The following LMNTD1 variants were observed in gnomAD, a reference collection of about 807,000 sequenced individuals.
The protein encoded by LMNTD1 is lamin tail domain containing 1, also known as lamin tail domain-containing protein 1.
In LMNTD1, 35 loss-of-function variants were observed where a neutral mutation model predicts 50.9. The ratio of observed to expected loss-of-function variants is 0.69; its 90% CI spans 0.53 to 0.91. The LOEUF is 0.91. Ranked by LOEUF, LMNTD1 falls within the 40% of genes least tolerant of loss-of-function variation. LMNTD1 has a pLI of 0.00. For missense variants in LMNTD1, 470 were observed against 475.5 expected, an observed-to-expected ratio of 0.99 and a Z score of 0.11; for synonymous variants, 153 against 161.9, an observed-to-expected ratio of 0.94 and a Z score of 0.42.
At chr12:25,585,695 A>C (rs894782266) in intron 1 of LMNTD1, among the ~76,000 whole-genome samples, 4 of 152,222 alleles carry the variant, frequency 2.6e-5, no homozygotes, top group Non-Finnish European at 5.9e-5. Flanking sequence ...CCAACTGAAG[A>C]GATGTGATGT....
At chr12:25,617,089 G>A (rs180875402) in intron 1 of LMNTD1, among the ~76,000 whole-genome samples, 5 of 152,276 alleles carry the variant, frequency 3.3e-5, no homozygotes, top group African/African-American at 1.2e-4. Context: ...GACTCAGAGA[G>A]GTAAAATAAC....
intron 1 of LMNTD1, among the ~76,000 whole-genome samples, chr12:25,579,393 G>C (rs1407489101): frequency 6.6e-6 from 1 of 152,040 alleles, no homozygotes; most frequent in Non-Finnish European, 1.5e-5. Context: ...GGTATGTGTA[G>C]GTTATATGCA....
chr12:25,556,938 A>G (rs990154263), upstream of LMNTD1, among the ~76,000 whole-genome samples: 1 of 152,186 alleles, frequency 6.6e-6, no homozygotes, highest in Non-Finnish European at 1.5e-5. Context: ...GTCTTGTGTG[A>G]ATGAAGGCAG....
chr12:25,527,695 C>CAT lies in LMNTD1; in HGVS notation c.492-741_492-740insAT, dbSNP rs1565976285. On this transcript the variant is annotated intron_variant, in intron 4 of 9. Coordinates refer to ENST00000458174, the MANE Select transcript of LMNTD1 (RefSeq NM_001145728.2). ...ATATATATATATACACACACACACA[C>CAT]ACACACACACACACACACACACACA... Among the ~76,000 whole-genome samples the CAT allele has an allele frequency of 4.1e-3, 353 of 86,224 alleles. 18 individuals carry two copies. Among genetic ancestry groups the CAT allele is most frequent in the African/African-American group, 0.014 (334 of 23,068 alleles). 56.6% of individuals were successfully genotyped at this position (86,224 alleles called of 152,430 possible).
chr12:25,606,240 C>T lies in LMNTD1; in HGVS notation c.58+42254G>A, dbSNP rs545654059. On this transcript the variant is annotated intron_variant, in intron 1 of 7. Coordinates refer to the LMNTD1 transcript ENST00000445693. ...AGCTTAAGGAGATTTTGGGCTGAGACGATGGGGTTTTCTAGATATACAATC... is the reference window on the plus strand; with the variant it reads ...AGCTTAAGGAGATTTTGGGCTGAGATGATGGGGTTTTCTAGATATACAATC... 1.9e-3 allele frequency among the ~76,000 whole-genome samples: 292 copies of T among 152,230 alleles called. 2 individuals are homozygous for T. Among genetic ancestry groups the T allele is most frequent in the African/African-American group, 6.5e-3 (269 of 41,532 alleles).
intron 4 of LMNTD1, among the ~76,000 whole-genome samples, chr12:25,546,073 T>G (rs1157817793): frequency 6.6e-6 from 1 of 151,660 alleles, no homozygotes; most frequent in African/African-American, 2.4e-5. Flanking sequence ...ATTAGATCCA[T>G]CTAAATAATT....
chr12:25,482,366 G>A (rs1186816099), intron 9 of LMNTD1, among the ~76,000 whole-genome samples: 2 of 151,946 alleles, frequency 1.3e-5, no homozygotes, highest in African/African-American at 4.9e-5. Flanking sequence ...GTCAGAGACA[G>A]TCAATCTTAA....
rs142560678 is a variant in LMNTD1 at position 25,639,928 on chromosome 12, A to T, written c.58+8566T>A. ...TCCATAAATTGATGAATGAATAAACAAAATGTGGCATATCCATCCAATGGG... is the reference window on the plus strand; with the variant it reads ...TCCATAAATTGATGAATGAATAAACTAAATGTGGCATATCCATCCAATGGG... On this transcript the variant is annotated intron_variant, in intron 1 of 7. Coordinates refer to the LMNTD1 transcript ENST00000445693. Among the ~76,000 whole-genome samples the T allele has an allele frequency of 3.0e-3, 452 of 152,372 alleles. 2 individuals carry two copies. Among genetic ancestry groups the T allele is most frequent in the African/African-American group, 0.01 (435 of 41,594 alleles).
intron 3 of LMNTD1, chr12:25,547,079 G>A: frequency 4.8e-6 from 1 of 207,538 alleles, no homozygotes; most frequent in Non-Finnish European, 8.4e-6. Flanking sequence ...ATAAAGTCAT[G>A]CTTAATCAGA....
Position 25,635,327 on chromosome 12 carries a change from T to C in LMNTD1, c.58+13167A>G, listed in dbSNP as rs796304014. ...ATTAATGTACAAATATCAGTAGCTC[T>C]TTTATACACCAACAGTGACCAAGTG... On this transcript the variant is annotated intron_variant, in intron 1 of 7. Transcript: ENST00000445693. Among the ~76,000 whole-genome samples, 15 of 151,950 alleles carry C rather than the reference T, an allele frequency of 9.9e-5. 1 individual carries two copies. Among genetic ancestry groups the C allele is most frequent in the Middle Eastern group, 6.9e-3 (2 of 290 alleles).
chr12:25,480,362 G>T (rs986305324), intron 9 of LMNTD1, among the ~76,000 whole-genome samples: 2 of 152,214 alleles, frequency 1.3e-5, no homozygotes, highest in African/African-American at 4.8e-5. Context: ...TGAAAGTAGT[G>T]TCTTGAAGGG....
chr12:25,559,916 A>G (rs1440702023), intron 1 of LMNTD1, among the ~76,000 whole-genome samples: 6 of 152,034 alleles, frequency 3.9e-5, no homozygotes, highest in Non-Finnish European at 4.4e-5. Flanking sequence ...AAATTTGTTT[A>G]AGTTCTTTGT....
At chr12:25,522,799 C>A (rs74622763) in intron 6 of LMNTD1, among the ~76,000 whole-genome samples, 1 of 151,990 alleles carries the variant, frequency 6.6e-6, no homozygotes, top group Non-Finnish European at 1.5e-5. Flanking sequence ...GGTCCATAGA[C>A]TCATGGAATC....
At chr12:25,612,077 A>C (rs1178104290) in intron 1 of LMNTD1, among the ~76,000 whole-genome samples, 1 of 152,208 alleles carries the variant, frequency 6.6e-6, no homozygotes, top group African/African-American at 2.4e-5. Context: ...GTACCTATTC[A>C]AAGGTTTTTG....
chr12:25,516,688 A>G (rs1940801924), intron 8 of LMNTD1, among the ~76,000 whole-genome samples: 1 of 152,144 alleles, frequency 6.6e-6, no homozygotes, highest in Non-Finnish European at 1.5e-5. Context: ...ATAGAGCTAC[A>G]TGGTACACAA....
chr12:25,499,166 G>A (rs1283621189), intron 9 of LMNTD1, among the ~76,000 whole-genome samples: 2 of 152,044 alleles, frequency 1.3e-5, no homozygotes, highest in African/African-American at 2.4e-5. Context: ...TAACCTCCTG[G>A]GCTCAAATGA....
At chr12:25,614,157 G>A (rs1946304177) in intron 1 of LMNTD1, among the ~76,000 whole-genome samples, 1 of 152,092 alleles carries the variant, frequency 6.6e-6, no homozygotes, top group Non-Finnish European at 1.5e-5. Flanking sequence ...GAGACTGACT[G>A]AAGGGTGGGG....
chr12:25,555,211 T>TA (rs780882388), upstream of LMNTD1, among the ~76,000 whole-genome samples: 211 of 152,332 alleles, frequency 1.4e-3, no homozygotes, highest in Non-Finnish European at 2.4e-3. Flanking sequence ...AAAGACTCTA[T>TA]ATTGATTTGT....
rs568494792 is a variant in LMNTD1, at chr12:25,518,819, A to T, written c.1165T>A (p.Ser389Thr). ...GRLDRQPRTR[S>T]TRPNRASGSK... ...CCTGAGGCTCGATTAGGTCTGGTTGACCGAGTCCTGGGCTGTCTATCCAAT... is the reference window on the plus strand; with the variant it reads ...CCTGAGGCTCGATTAGGTCTGGTTGTCCGAGTCCTGGGCTGTCTATCCAAT... The change falls in exon 8 of 10, where the codon TCA becomes ACA. Residue 389 changes from serine (S) to threonine (T), a missense_variant. Ser to Thr is a moderately conservative substitution (Grantham distance 58, BLOSUM62 1). Coordinates refer to ENST00000458174, the MANE Select transcript of LMNTD1 (RefSeq NM_001145728.2). 4 of 1,614,142 alleles carry T rather than the reference A, an allele frequency of 2.5e-6. No homozygotes were observed. Among genetic ancestry groups the T allele is most frequent in the Non-Finnish European group, 3.4e-6 (4 of 1,180,022 alleles).
Sources: allele counts gnomAD v4.1 joint callset (sites outside exome capture counted in the v4.1 genomes callset), GRCh38; gene constraint gnomAD v4.1.1; transcripts MANE v1.5; gene names NCBI Gene and HGNC (gene_info 2026-07-23, HGNC 2026-07-21).